HIVEP3: variants seen among roughly 807,000 people sequenced by gnomAD.
The protein encoded by HIVEP3 is transcription factor HIVEP3.
HIVEP3 carries 49 observed loss-of-function variants against 152.8 expected under a neutral mutation model. The ratio of observed to expected loss-of-function variants is 0.32; its 90% CI spans 0.26 to 0.41. HIVEP3 has a LOEUF of 0.41. Ranked by LOEUF, HIVEP3 falls within the 10% of genes least tolerant of loss-of-function variation. The pLI is 1.00. For missense variants in HIVEP3, 2,790 were observed against 3,103.3 expected (o/e 0.90, Z 2.40); for synonymous variants, 1,269 against 1,289.0 (o/e 0.98, Z 0.33).
chr1:41,935,586 C>T (rs1010868009), intron 1 of HIVEP3, among the ~76,000 whole-genome samples: 8 of 151,634 alleles, frequency 5.3e-5, no homozygotes, highest in African/African-American at 1.9e-4. Context: ...GCATAACTGT[C>T]CTCCATGTTT....
chr1:41,722,510 T>C (rs1354558549), intron 1 of HIVEP3, among the ~76,000 whole-genome samples: 6 of 125,064 alleles, frequency 4.8e-5, no homozygotes, highest in Admixed American at 4.0e-4. Context: ...TCCCTTCCCT[T>C]CCCTCCTTTC....
intron 1 of HIVEP3, among the ~76,000 whole-genome samples, chr1:41,904,544 A>T (rs1011596802): frequency 6.6e-6 from 1 of 152,196 alleles, no homozygotes; most frequent in Non-Finnish European, 1.5e-5. Flanking sequence ...GCCATGCTTT[A>T]CACAGAGTGC....
intron 1 of HIVEP3, among the ~76,000 whole-genome samples, chr1:42,020,335 T>G (rs1645546567): frequency 1.3e-5 from 2 of 152,152 alleles, no homozygotes; most frequent in African/African-American, 4.8e-5. Context: ...GAAAATTTAT[T>G]TGTTTGTCTG....
At chr1:41,637,032 T>C (rs1164853706) in intron 2 of HIVEP3, among the ~76,000 whole-genome samples, 2 of 151,526 alleles carry the variant, frequency 1.3e-5, no homozygotes, top group African/African-American at 4.9e-5. Context: ...ATTGCTACCA[T>C]CAAGTGGTGG....
chr1:41,535,888 T>C (rs1421409789), intron 5 of HIVEP3: 1 of 151,336 alleles, frequency 6.6e-6, no homozygotes, highest in Non-Finnish European at 1.5e-5. Flanking sequence ...CACAGTATGA[T>C]CTAGTGTGAT....
chr1:41,680,725 G>A (rs1282164568), intron 2 of HIVEP3, among the ~76,000 whole-genome samples: 1 of 152,344 alleles, frequency 6.6e-6, no homozygotes, highest in Non-Finnish European at 1.5e-5. Context: ...CAGCTCTGGC[G>A]ATCTGCCGCA....
rs1570602271 is a variant in HIVEP3, at chr1:41,818,864, G to A, written c.-801+99549C>T. Among the ~76,000 whole-genome samples, 5 of 152,252 alleles carry A rather than the reference G, an allele frequency of 3.3e-5. 1 individual carries two copies. Among genetic ancestry groups the A allele is most frequent in the Admixed American group, 2.6e-4 (4 of 15,298 alleles). On this transcript the variant is annotated intron_variant, in intron 1 of 8. Coordinates refer to ENST00000372583, the MANE Select transcript of HIVEP3 (RefSeq NM_024503.5). ...ATCCCAAGCTCTCCAGGTAGTTTAA[G>A]CATTGCTGTGGAAGGTGAGGGAGAG...
intron 1 of HIVEP3, among the ~76,000 whole-genome samples, chr1:41,868,992 G>A (rs1458851698): frequency 2.0e-5 from 3 of 152,222 alleles, no homozygotes. Flanking sequence ...ATTTGCCTGA[G>A]ATCAGAAGGC....
intron 1 of HIVEP3, among the ~76,000 whole-genome samples, chr1:42,014,280 A>C (rs1645508923): frequency 6.6e-6 from 1 of 152,130 alleles, no homozygotes; most frequent in Admixed American, 6.6e-5. Context: ...CATTTAAGCA[A>C]GGATGTTCAC....
chr1:41,778,249 T>G (rs529057848), intron 1 of HIVEP3, among the ~76,000 whole-genome samples: 3 of 152,214 alleles, frequency 2.0e-5, no homozygotes, highest in Non-Finnish European at 4.4e-5. Context: ...CAGTACAAGG[T>G]ACCTCCTGAG....
At chr1:41,887,300 C>T (rs149087190) in intron 1 of HIVEP3, among the ~76,000 whole-genome samples, 80 of 152,224 alleles carry the variant, frequency 5.3e-4, no homozygotes, top group African/African-American at 1.8e-3. Context: ...GTTTTAAAAA[C>T]GTATATTGAA....
intron 1 of HIVEP3, among the ~76,000 whole-genome samples, chr1:41,969,059 A>G (rs1459902992): frequency 2.0e-5 from 3 of 152,220 alleles, no homozygotes; most frequent in Non-Finnish European, 4.4e-5. Flanking sequence ...GAAATCAGAG[A>G]GGACAAAAAC....
At chr1:41,850,631 C>T (rs1385006504) in intron 1 of HIVEP3, among the ~76,000 whole-genome samples, 1 of 152,206 alleles carries the variant, frequency 6.6e-6, no homozygotes, top group East Asian at 1.9e-4. Flanking sequence ...TCTGGTCCTC[C>T]ATGCCGAAGC....
At chr1:41,891,939 G>A (rs1298458030) in intron 1 of HIVEP3, among the ~76,000 whole-genome samples, 1 of 152,184 alleles carries the variant, frequency 6.6e-6, no homozygotes, top group Non-Finnish European at 1.5e-5. Flanking sequence ...AAGGCACATC[G>A]GTTCTGCCAG....
chr1:41,516,340 C>T (rs1642606360), intron 7 of HIVEP3, among the ~76,000 whole-genome samples: 2 of 152,222 alleles, frequency 1.3e-5, no homozygotes, highest in African/African-American at 4.8e-5. Context: ...CCAGGCAGTT[C>T]TCCCACGCGC....
At chr1:41,618,100 C>A (rs1041398096) in intron 3 of HIVEP3, among the ~76,000 whole-genome samples, 3 of 152,166 alleles carry the variant, frequency 2.0e-5, no homozygotes, top group Admixed American at 2.0e-4. Flanking sequence ...GGAAACTTAC[C>A]CAGGCTGAGC....
chr1:41,982,379 T>C lies in HIVEP3; in HGVS notation n.119+53428A>G, dbSNP rs1645298160. 2.6e-5 allele frequency among the ~76,000 whole-genome samples: 4 copies of C among 152,252 alleles called. No homozygotes were observed. In the South Asian group the frequency reaches 8.3e-4, roughly 31 times the overall value. On this transcript the variant is annotated intron_variant and non_coding_transcript_variant, in intron 1 of 3. Coordinates refer to the HIVEP3 transcript ENST00000489103. Reference sequence around the variant, plus strand: ...CCTCTCATCTTCCCCTTGCCTGCTGTTGTACTCAAAGGTTCCAGAATACAT... The same window carrying C: ...CCTCTCATCTTCCCCTTGCCTGCTGCTGTACTCAAAGGTTCCAGAATACAT...
chr1:42,001,475 T>C (rs1037590430), intron 1 of HIVEP3, among the ~76,000 whole-genome samples: 1 of 152,242 alleles, frequency 6.6e-6, no homozygotes, highest in Non-Finnish European at 1.5e-5. Context: ...CAGTGTCTGC[T>C]ACATTGTCAT....
At chr1:41,801,461 C>G (rs889086848) in intron 1 of HIVEP3, among the ~76,000 whole-genome samples, 2 of 152,162 alleles carry the variant, frequency 1.3e-5, no homozygotes, top group Non-Finnish European at 2.9e-5. Context: ...GAGAATGCCC[C>G]CCAGGTAGTA....
Sources: gnomAD v4.1 joint callset for allele counts (sites outside exome capture counted in the v4.1 genomes callset) on GRCh38, gnomAD v4.1.1 for gene constraint, MANE v1.5 for transcripts, NCBI Gene and HGNC (gene_info 2026-07-23, HGNC 2026-07-21) for gene names.